The following NAT10 variants were observed in gnomAD, a reference collection of about 807,000 sequenced individuals.
The protein encoded by NAT10 is N-acetyltransferase 10.
A neutral mutation model predicts 132.2 loss-of-function variants in NAT10; 109 were observed. That is an observed-to-expected ratio of 0.82 (90% CI 0.71 to 0.97). NAT10 has a LOEUF of 0.97. Among genes scored for constraint, NAT10 ranks in the 50% least tolerant of loss-of-function variants. The pLI, the probability that NAT10 is intolerant of heterozygous loss-of-function variation, is 0.00. For missense variants in NAT10, 1,184 were observed against 1,263.4 expected (o/e 0.94, Z 0.95); for synonymous variants, 479 against 478.0 (o/e 1.00, Z -0.03).
intron 16 of NAT10, among the ~76,000 whole-genome samples, chr11:34,133,747 C>T (rs553561329): frequency 5.3e-5 from 8 of 152,286 alleles, no homozygotes; most frequent in African/African-American, 7.2e-5. Flanking sequence ...CCTTCACACA[C>T]GCACAGCATA....
Position 34,141,781 on chromosome 11 carries a change from C to T in NAT10, c.2775C>T (p.Val925=). 6.2e-7 allele frequency: 1 copy of T among 1,613,974 alleles called. No individual in the cohort carries two copies. The highest frequency in any genetic ancestry group is 8.5e-7 in the Non-Finnish European group (1 of 1,180,034). ...EEQMVAAKDV[V]MEPTMKTLSD... The stretch of plus-strand genomic sequence containing the variant: ...AGATGGTGGCAGCGAAGGATGTGGT[C>T]ATGGAGCCCACGATGAAGACCCTCA... Residue 925 remains valine, a synonymous_variant, in exon 26 of 29, where the codon GTC becomes GTT. Transcript: ENST00000257829.
chr11:34,114,542 C>T (rs991541677), intron 5 of NAT10, among the ~76,000 whole-genome samples: 3 of 152,164 alleles, frequency 2.0e-5, no homozygotes, highest in African/African-American at 7.2e-5. Context: ...TTACTTCTCC[C>T]TTCATCACTT....
chr11:34,135,222 A>G lies in NAT10; in HGVS notation c.1959A>G (p.Glu653=). 6.2e-7 allele frequency: 1 copy of G among 1,614,162 alleles called. No homozygotes were observed. The highest frequency in any genetic ancestry group is 1.1e-5 in the South Asian group (1 of 91,078). The change falls in exon 19 of 29, where the codon GAA becomes GAG. Residue 653 remains glutamate, a synonymous_variant. Transcript: ENST00000257829. ...RALQLLQMYY[E]GRFPCLEEKV... is the part of the protein sequence containing the mutation. ...TGCAGCTGCTGCAGATGTACTATGA[A>G]GGCAGGTTTCCTTGTCTGGAGGAAA...
In NAT10 at chr11:34,137,337, A is replaced by C. The variant is rs114321404; in HGVS notation, c.2211+311A>C. ...CAGGAGGATCAAGGGTAATTCCTAGAGTTTTGGCTTGAGAAACTGGGTGTT... is the reference window on the plus strand; with the variant it reads ...CAGGAGGATCAAGGGTAATTCCTAGCGTTTTGGCTTGAGAAACTGGGTGTT... On this transcript the variant is annotated intron_variant, in intron 21 of 28. Transcript: ENST00000257829. Among the ~76,000 whole-genome samples the C allele has an allele frequency of 4.3e-3, 655 of 152,284 alleles. 3 individuals are homozygous for C. Among genetic ancestry groups the C allele is most frequent in the African/African-American group, 0.015 (633 of 41,548 alleles).
intron 12 of NAT10, among the ~76,000 whole-genome samples, chr11:34,129,046 TTGG>T (rs1355220836): frequency 3.9e-5 from 6 of 152,248 alleles, no homozygotes; most frequent in Non-Finnish European, 8.8e-5. Context: ...CATTTATCTG[TTGG>T]TGGACATTTG....
chr11:34,136,391 C>T (rs1049410985), intron 19 of NAT10, among the ~76,000 whole-genome samples: 10 of 152,172 alleles, frequency 6.6e-5, no homozygotes, highest in African/African-American at 2.4e-4. Context: ...CTCTGTCAGT[C>T]GTTTCTAAAC....
At chr11:34,117,038 A>G (rs1042681335) in intron 6 of NAT10, among the ~76,000 whole-genome samples, 2 of 152,148 alleles carry the variant, frequency 1.3e-5, no homozygotes, top group Non-Finnish European at 2.9e-5. Flanking sequence ...ATCATAGAAC[A>G]CTAGTCTTTT....
At chr11:34,126,377 G>T (rs1851994462) in intron 11 of NAT10, among the ~76,000 whole-genome samples, 1 of 152,152 alleles carries the variant, frequency 6.6e-6, no homozygotes, top group Non-Finnish European at 1.5e-5. Flanking sequence ...TACTGTACTT[G>T]TCCTCCTTCA....
intron 6 of NAT10, among the ~76,000 whole-genome samples, chr11:34,116,783 C>G (rs1218276292): frequency 1.3e-5 from 2 of 152,232 alleles, no homozygotes; most frequent in East Asian, 3.9e-4. Context: ...TTAGTAGAGA[C>G]AAGGTTTCAC....
chr11:34,136,694 T>C lies in NAT10; in HGVS notation c.2081T>C (p.Leu694Ser). Residue 694 changes from leucine (L) to serine (S), a missense_variant, in exon 20 of 29, where the codon TTA becomes TCA. Leu to Ser is a moderately radical substitution (Grantham distance 145, BLOSUM62 -2). Transcript: ENST00000257829. ...ACTCCCCGGAAGGACCTGCCTCCTT[T>C]ACTCCTCAAATTGAATGAGAGGCCT... ...VITPRKDLPP[L>S]LLKLNERPAE... The C allele has an allele frequency of 3.1e-6, 5 of 1,614,176 alleles. No individual in the cohort carries two copies. The highest frequency in any genetic ancestry group is 4.2e-6 in the Non-Finnish European group (5 of 1,180,036).
intron 4 of NAT10, among the ~76,000 whole-genome samples, 188 bp from the exon 5 acceptor site, chr11:34,113,528 C>T (rs1258182238): frequency 2.7e-5 from 4 of 148,906 alleles, no homozygotes; most frequent in Non-Finnish European, 4.4e-5. Context: ...TTGGGCCAGG[C>T]GCGGTGGCTC....
rs1446490669 is a variant in NAT10 at position 34,146,360 on chromosome 11, C to T, written c.*168C>T. Reference sequence around the variant, plus strand: ...TCTGTGAGCTCAACCTGGCTAAAGGCAGAGTCACTCCCAAATGGGTCTCTT... The same window carrying T: ...TCTGTGAGCTCAACCTGGCTAAAGGTAGAGTCACTCCCAAATGGGTCTCTT... On this transcript the variant is annotated 3_prime_UTR_variant, in exon 29 of 29. Coordinates refer to ENST00000257829, the MANE Select transcript of NAT10 (RefSeq NM_024662.3). The T allele has an allele frequency of 7.1e-6, 4 of 563,374 alleles. No homozygotes were observed. The highest frequency in any genetic ancestry group is 1.3e-5 in the Non-Finnish European group (4 of 316,202). The allele number at this position is 563,374 out of a possible 1,614,324, so 34.9% of individuals were successfully genotyped here.
At chr11:34,145,530 G>A (rs1852425170) in intron 28 of NAT10, among the ~76,000 whole-genome samples, 1 of 152,210 alleles carries the variant, frequency 6.6e-6, no homozygotes, top group Non-Finnish European at 1.5e-5. Flanking sequence ...GGATATCAAT[G>A]AAGAATCCAG....
At chr11:34,129,316 A>G (rs1852057502) in intron 12 of NAT10, among the ~76,000 whole-genome samples, 1 of 152,170 alleles carries the variant, frequency 6.6e-6, no homozygotes, top group Admixed American at 6.5e-5. Context: ...TTGTGGTTAT[A>G]ACCATTCTAA....
At chr11:34,106,458 T>G (rs1391971195) in intron 1 of NAT10, among the ~76,000 whole-genome samples, 1 of 152,112 alleles carries the variant, frequency 6.6e-6, no homozygotes, top group African/African-American at 2.4e-5. Context: ...ACCTGTGTTC[T>G]TGTTCCTCAT....
chr11:34,112,600 C>T lies in NAT10; in HGVS notation c.372+377C>T, dbSNP rs575090485. On this transcript the variant is annotated intron_variant, in intron 4 of 28. Transcript: ENST00000257829. Reference sequence around the variant, plus strand: ...TGAGCAATGGGACTTGTTTTCCAACCGGATATAGACCAATGCACTTAAATG... The same window carrying T: ...TGAGCAATGGGACTTGTTTTCCAACTGGATATAGACCAATGCACTTAAATG... Among the ~76,000 whole-genome samples, 17 of 152,316 alleles carry T rather than the reference C, an allele frequency of 1.1e-4. No individual in the cohort carries two copies. The East Asian group carries it at 1.3e-3, about 12-fold the overall frequency.
intron 1 of NAT10, among the ~76,000 whole-genome samples, chr11:34,107,693 TGAG>T (rs1025399481): frequency 6.6e-6 from 1 of 152,198 alleles, no homozygotes; most frequent in African/African-American, 2.4e-5. Context: ...TTTGGGAGGC[TGAG>T]GTGGGCAGAT....
chr11:34,119,228 C>G (rs543005346), intron 8 of NAT10, among the ~76,000 whole-genome samples: 23 of 152,302 alleles, frequency 1.5e-4, no homozygotes, highest in African/African-American at 5.5e-4. Context: ...GTTCCTGGGC[C>G]ATGATGGGAA....
intron 23 of NAT10, among the ~76,000 whole-genome samples, 193 bp from the exon 24 acceptor site, chr11:34,140,207 C>T (rs1852295164): frequency 6.6e-6 from 1 of 152,220 alleles, no homozygotes; most frequent in South Asian, 2.1e-4. Flanking sequence ...GCCGTCCCCT[C>T]CCCACACGTG....
Sources: allele counts gnomAD v4.1 joint callset (sites outside exome capture counted in the v4.1 genomes callset), GRCh38; gene constraint gnomAD v4.1.1; transcripts MANE v1.5; gene names NCBI Gene and HGNC (gene_info 2026-07-23, HGNC 2026-07-21).